Variants in SGCD observed in about 807,000 individuals in gnomAD.
SGCD encodes the protein delta-sarcoglycan.
Under a neutral mutation model 36.6 loss-of-function variants are expected in SGCD, and 18 were observed. The observed-to-expected ratio is 0.49, with a 90% CI of 0.34 to 0.73. The LOEUF is 0.73. Ranked by LOEUF, SGCD falls within the 30% of genes least tolerant of loss-of-function variation. The pLI is 0.01. For synonymous variants in SGCD, 133 were observed against 130.6 expected (o/e 1.02, Z -0.12); for missense variants, 387 against 346.7 (o/e 1.12, Z -0.92).
At chr5:156,408,138 TTTA>T (rs1772522378) in intron 3 of SGCD, among the ~76,000 whole-genome samples, 1 of 152,214 alleles carries the variant, frequency 6.6e-6, no homozygotes, top group Non-Finnish European at 1.5e-5. Flanking sequence ...CTACCAAAAG[TTTA>T]TTACTATCCT....
rs1350053205 is a variant in SGCD, at chr5:156,759,219, T to C, written c.702T>C (p.Ile234=). 1 of 1,613,118 alleles carries C rather than the reference T, an allele frequency of 6.2e-7. No individual in the cohort carries two copies. ...TCCTTCCTATTCTCTGTCTTTAGATTAAGTTAGATGCTGCGAAAATCAGGC... is the reference window on the plus strand; with the variant it reads ...TCCTTCCTATTCTCTGTCTTTAGATCAAGTTAGATGCTGCGAAAATCAGGC... ...ELRLESKDGE[I]KLDAAKIRLP... Residue 234 remains isoleucine, a splice_region_variant and synonymous_variant, in exon 9 of 9, where the codon ATT becomes ATC. Coordinates refer to ENST00000337851, the MANE Select transcript of SGCD (RefSeq NM_000337.6).
At chr5:156,457,172 G>A (rs1447681873) in intron 3 of SGCD, among the ~76,000 whole-genome samples, 2 of 152,168 alleles carry the variant, frequency 1.3e-5, no homozygotes, top group African/African-American at 4.8e-5. Context: ...CTTCAAAATA[G>A]TAAGGGTTTC....
At chr5:155,953,592 A>T (rs1418965826) in intron 1 of SGCD, among the ~76,000 whole-genome samples, 1 of 152,172 alleles carries the variant, frequency 6.6e-6, no homozygotes, top group African/African-American at 2.4e-5. Flanking sequence ...CATCAAACAC[A>T]AGTCTGACAC....
chr5:156,423,300 A>ATATAATATTGTAT, intron 3 of SGCD, among the ~76,000 whole-genome samples: 1 of 9,928 alleles, frequency 1.0e-4, no homozygotes. Context: ...TTATAATATA[A>ATATAATATTGTAT]TATATTTTAT....
intron 7 of SGCD, among the ~76,000 whole-genome samples, chr5:156,674,941 T>C (rs541571330): frequency 2.6e-5 from 4 of 152,324 alleles, no homozygotes; most frequent in African/African-American, 7.2e-5. Context: ...ATTGTATTGA[T>C]GAGAAAACTG....
chr5:156,568,722 C>G (rs1162420336), intron 4 of SGCD, among the ~76,000 whole-genome samples: 1 of 152,186 alleles, frequency 6.6e-6, no homozygotes, highest in Non-Finnish European at 1.5e-5. Context: ...TGCAGATTTG[C>G]TTAGTGAATG....
intron 3 of SGCD, among the ~76,000 whole-genome samples, chr5:156,480,971 G>GA (rs1197287374): frequency 1.3e-5 from 2 of 152,130 alleles, no homozygotes. Context: ...ATGATTCCAG[G>GA]AGCGAGTTCC....
chr5:156,485,275 A>G (rs919868246), intron 3 of SGCD, among the ~76,000 whole-genome samples: 12 of 152,258 alleles, frequency 7.9e-5, no homozygotes, highest in African/African-American at 2.9e-4. Context: ...AGTTGTACAG[A>G]ATGTAGGAAA....
rs4067498 is a variant in SGCD at position 156,648,264 on chromosome 5, C to CT, written c.575+738dup. 3.3e-3 allele frequency among the ~76,000 whole-genome samples: 483 copies of CT among 147,832 alleles called. 6 individuals are homozygous for CT. The highest frequency in any genetic ancestry group is 9.8e-3 in the African/African-American group (397 of 40,496). ...CTGTGATGAATTCAGTGAATACTGG[C>CT]TTTTTTTTTTCATTTCTGGTAGTTC... On this transcript the variant is annotated intron_variant, in intron 7 of 8. Transcript: ENST00000337851.
chr5:156,399,691 C>A (rs1772041818), intron 3 of SGCD, among the ~76,000 whole-genome samples: 1 of 152,076 alleles, frequency 6.6e-6, no homozygotes, highest in African/African-American at 2.4e-5. Context: ...GCTGAATTGT[C>A]CATTTCCCTT....
the SGCD span, among the ~76,000 whole-genome samples, chr5:155,798,101 A>C: frequency 6.6e-6 from 1 of 152,180 alleles, no homozygotes; most frequent in African/African-American, 2.4e-5. Context: ...ACCCCTCTCC[A>C]CAGGTTCTAA....
At chr5:155,990,028 A>G (rs925157472) in intron 1 of SGCD, among the ~76,000 whole-genome samples, 1 of 152,172 alleles carries the variant, frequency 6.6e-6, no homozygotes, top group African/African-American at 2.4e-5. Context: ...CCCCTCTACC[A>G]CTTCTGGGAA....
chr5:156,253,222 A>G (rs1333867454), intron 3 of SGCD, among the ~76,000 whole-genome samples: 1 of 152,164 alleles, frequency 6.6e-6, no homozygotes, highest in African/African-American at 2.4e-5. Context: ...TCTGTGCCTC[A>G]CTGGGTCTAA....
intron 3 of SGCD, among the ~76,000 whole-genome samples, chr5:156,455,143 A>G (rs1027903610): frequency 1.3e-5 from 2 of 152,184 alleles, no homozygotes; most frequent in African/African-American, 2.4e-5. Context: ...GGGTTGAATT[A>G]TGTCCTGCAT....
chr5:155,751,042 G>A, the SGCD span, among the ~76,000 whole-genome samples: 1 of 152,060 alleles, frequency 6.6e-6, no homozygotes, highest in Non-Finnish European at 1.5e-5. Context: ...GACCGTTTTT[G>A]TTTTTGTTTT....
At chr5:156,677,728 G>C (rs1295606321) in intron 7 of SGCD, among the ~76,000 whole-genome samples, 1 of 151,968 alleles carries the variant, frequency 6.6e-6, no homozygotes, top group Non-Finnish European at 1.5e-5. Flanking sequence ...TTTTATATTT[G>C]CCTGACATTA....
intron 7 of SGCD, among the ~76,000 whole-genome samples, chr5:156,739,283 C>T (rs1407621589): frequency 6.6e-6 from 1 of 152,172 alleles, no homozygotes; most frequent in Non-Finnish European, 1.5e-5. Flanking sequence ...ATAGCAAGAG[C>T]ATTGCATTCA....
intron 3 of SGCD, among the ~76,000 whole-genome samples, chr5:156,280,705 T>C (rs1766431933): frequency 6.6e-6 from 1 of 152,222 alleles, no homozygotes; most frequent in Admixed American, 6.5e-5. Flanking sequence ...CAATCATAGA[T>C]ACATTTACAT....
At chr5:156,336,137 G>A (rs929305689) in intron 2 of SGCD, among the ~76,000 whole-genome samples, 3 of 152,040 alleles carry the variant, frequency 2.0e-5, no homozygotes, top group Non-Finnish European at 2.9e-5. Flanking sequence ...ATTCTCCTCC[G>A]GTGCACTCTG....
Sources: allele counts gnomAD v4.1 joint callset (sites outside exome capture counted in the v4.1 genomes callset), GRCh38; gene constraint gnomAD v4.1.1; transcripts MANE v1.5; gene names NCBI Gene and HGNC (gene_info 2026-07-23, HGNC 2026-07-21).